The following RAPGEF5 variants were observed in gnomAD, a reference collection of about 807,000 sequenced individuals.
RAPGEF5 encodes Rap guanine nucleotide exchange factor 5, also known as M-Ras-regulated GEF.
A neutral mutation model predicts 125.2 loss-of-function variants in RAPGEF5; 65 were observed. The observed-to-expected ratio is 0.52, with a 90% CI of 0.43 to 0.64. The LOEUF (loss-of-function observed/expected upper bound fraction) is 0.64, where lower values mean the gene tolerates loss of function less well. RAPGEF5 is among the 30% of genes least tolerant of loss of function. The pLI is 0.00. For missense variants in RAPGEF5, 958 were observed against 1,048.1 expected, an observed-to-expected ratio of 0.91 and a Z score of 1.19; for synonymous variants, 391 against 385.9, an observed-to-expected ratio of 1.01 and a Z score of -0.16.
intron 1 of RAPGEF5, among the ~76,000 whole-genome samples, chr7:22,322,147 T>C (rs1783727325): frequency 2.6e-5 from 4 of 152,054 alleles, no homozygotes; most frequent in South Asian, 4.2e-4. Context: ...TTTTCTTTTT[T>C]TTTTTTGAGA....
chr7:22,222,460 T>C (rs183882332), intron 8 of RAPGEF5, among the ~76,000 whole-genome samples: 1 of 151,984 alleles, frequency 6.6e-6, no homozygotes, highest in East Asian at 1.9e-4. Flanking sequence ...GAGGAAGAAG[T>C]GATGTGGATA....
At position 22,321,211 on chromosome 7, in the gene RAPGEF5, C is replaced by T. The variant is rs145968043; in HGVS notation, c.232-3174G>A. On this transcript the variant is annotated intron_variant, in intron 1 of 25. Transcript: ENST00000665637. Reference sequence around the variant, plus strand: ...GCAAACCACATATTTTAAATGTAAACTAGGAAATTGCAATCCTTTAATATT... The same window carrying T: ...GCAAACCACATATTTTAAATGTAAATTAGGAAATTGCAATCCTTTAATATT... Among the ~76,000 whole-genome samples the T allele has an allele frequency of 4.6e-3, 694 of 151,940 alleles. 10 individuals are homozygous for T. The highest frequency in any genetic ancestry group is 0.016 in the African/African-American group (666 of 41,386).
In RAPGEF5 at chr7:22,119,646, G is replaced by A. The variant is rs557533016; in HGVS notation, c.*2760C>T. 2 of 152,316 alleles carry A rather than the reference G, an allele frequency of 1.3e-5. No individual in the cohort carries two copies. Among genetic ancestry groups the A allele is most frequent in the Non-Finnish European group, 2.9e-5 (2 of 68,028 alleles). The allele number at this position is 152,316 out of a possible 1,614,324, so 9.4% of individuals were successfully genotyped here. On this transcript the variant is annotated 3_prime_UTR_variant, in exon 26 of 26. Coordinates refer to ENST00000665637, the MANE Select transcript of RAPGEF5 (RefSeq NM_012294.5). The surrounding 1 kb of genome is among the most constrained non-coding windows in gnomAD (Gnocchi z 4.1). ...ACCCACAGGACTGTCTGAGAGTTGT[G>A]CTGTAACAAAAAGAGCCCACTTAGA...
chr7:22,242,947 C>T (rs867814529), intron 7 of RAPGEF5, among the ~76,000 whole-genome samples: 9 of 65,776 alleles, frequency 1.4e-4, no homozygotes, highest in Middle Eastern at 9.6e-3. Flanking sequence ...AACTCCGTCT[C>T]AAAAAAAAAA....
chr7:22,160,331 T>C (rs1259422902), intron 14 of RAPGEF5, among the ~76,000 whole-genome samples, 187 bp downstream of exon 14: 1 of 152,198 alleles, frequency 6.6e-6, no homozygotes, highest in African/African-American at 2.4e-5. Context: ...ATAAGCTGAA[T>C]TCCGTGTTCT....
At chr7:22,336,581 C>T (rs1333054278) in intron 1 of RAPGEF5, among the ~76,000 whole-genome samples, 1 of 152,068 alleles carries the variant, frequency 6.6e-6, no homozygotes, top group Non-Finnish European at 1.5e-5. Context: ...CTTCAGACAG[C>T]CAGCTGGGAA....
intron 11 of RAPGEF5, among the ~76,000 whole-genome samples, chr7:22,172,364 T>G (rs1358360900): frequency 1.3e-5 from 2 of 152,176 alleles, no homozygotes; most frequent in African/African-American, 4.8e-5. Flanking sequence ...CCTCAGGTGA[T>G]CTGCATGCCT....
At chr7:22,280,420 T>C (rs1191951174) in intron 6 of RAPGEF5, among the ~76,000 whole-genome samples, 1 of 152,162 alleles carries the variant, frequency 6.6e-6, no homozygotes, top group African/African-American at 2.4e-5. Context: ...CCTTTTCCCA[T>C]GCTCAGGTTG....
intron 6 of RAPGEF5, among the ~76,000 whole-genome samples, chr7:22,268,828 C>A (rs1782348266): frequency 6.6e-6 from 1 of 152,080 alleles, no homozygotes; most frequent in Non-Finnish European, 1.5e-5. Flanking sequence ...AAATGATGCC[C>A]AAAATAGAAA....
chr7:22,148,731 G>A (rs1162354521), intron 18 of RAPGEF5, among the ~76,000 whole-genome samples: 1 of 152,162 alleles, frequency 6.6e-6, no homozygotes, highest in Non-Finnish European at 1.5e-5. Context: ...AGGTGGCCTT[G>A]GACAGTGGTA....
At chr7:22,225,291 T>A (rs953978822) in intron 8 of RAPGEF5, among the ~76,000 whole-genome samples, 3 of 152,240 alleles carry the variant, frequency 2.0e-5, no homozygotes, top group African/African-American at 7.2e-5. Flanking sequence ...TCTTACTTTT[T>A]AAAATGGGCT....
intron 19 of RAPGEF5, among the ~76,000 whole-genome samples, chr7:22,146,050 A>T (rs1783430426): frequency 6.6e-6 from 1 of 151,936 alleles, no homozygotes; most frequent in South Asian, 2.1e-4. Flanking sequence ...GATATATCCC[A>T]GTCTACTAAC....
chr7:22,353,532 A>C (rs927998684), intron 1 of RAPGEF5, among the ~76,000 whole-genome samples: 1 of 152,206 alleles, frequency 6.6e-6, no homozygotes, highest in Admixed American at 6.5e-5. Flanking sequence ...ATGGAGGGGG[A>C]AAATAAATGA....
chr7:22,142,914 T>G (rs80050999), intron 20 of RAPGEF5, among the ~76,000 whole-genome samples: 2,130 of 152,320 alleles, frequency 0.014, 45 homozygotes, highest in African/African-American at 0.049. Flanking sequence ...GAATTTAACT[T>G]TATGTTTCTG....
chr7:22,140,620 G>C (rs575525414), intron 20 of RAPGEF5, among the ~76,000 whole-genome samples: 2 of 152,158 alleles, frequency 1.3e-5, no homozygotes, highest in South Asian at 2.1e-4. Flanking sequence ...TTTAAATACG[G>C]CATATATTAA....
intron 7 of RAPGEF5, among the ~76,000 whole-genome samples, chr7:22,263,137 A>G (rs1782195979): frequency 6.6e-6 from 1 of 152,242 alleles, no homozygotes; most frequent in South Asian, 2.1e-4. Flanking sequence ...CAGATTAGTG[A>G]TTGCCAGGAA....
intron 12 of RAPGEF5, among the ~76,000 whole-genome samples, chr7:22,165,331 G>T (rs1293626245): frequency 2.0e-5 from 3 of 152,090 alleles, no homozygotes; most frequent in Non-Finnish European, 4.4e-5. Flanking sequence ...TAGTTTAAAG[G>T]CATCTCATTT....
chr7:22,163,037 T>C, intron 12 of RAPGEF5: 1 of 455,738 alleles, frequency 2.2e-6, no homozygotes, highest in Non-Finnish European at 4.4e-6. Context: ...GTAACATGAT[T>C]CAAATGCCCA....
rs185088109 is a variant in RAPGEF5, at chr7:22,160,065, C to T, written c.1526+453G>A. Among the ~76,000 whole-genome samples the T allele has an allele frequency of 4.1e-3, 621 of 152,222 alleles. 10 individuals carry two copies. Among genetic ancestry groups the T allele is most frequent in the Non-Finnish European group, 2.9e-3 (195 of 68,010 alleles). On this transcript the variant is annotated intron_variant, in intron 14 of 25. Transcript: ENST00000665637. ...TGGAGGTTGCAGTGAGCCGAGATTG[C>T]GCTGCTGCATTCCAGGCTGAGCAGC...
Sources: allele counts gnomAD v4.1 joint callset (sites outside exome capture counted in the v4.1 genomes callset), GRCh38; gene constraint gnomAD v4.1.1; non-coding constraint Gnocchi (gnomAD v3.1); transcripts MANE v1.5; gene names NCBI Gene and HGNC (gene_info 2026-07-23, HGNC 2026-07-21).